The following NBN variants were observed in gnomAD, a reference collection of about 807,000 sequenced individuals.
NBN encodes Nijmegen breakage syndrome 1 (nibrin).
Under a neutral mutation model 90.8 loss-of-function variants are expected in NBN, and 88 were observed. The observed-to-expected ratio is 0.97, with a 90% CI of 0.82 to 1.16. NBN has a LOEUF of 1.16. Ranked by LOEUF, NBN falls within the 50% of genes most tolerant of loss-of-function variation. The pLI is 0.00. For synonymous variants in NBN, 328 were observed against 295.1 expected (o/e 1.11, Z -1.14); for missense variants, 894 against 869.6 (o/e 1.03, Z -0.35).
Position 89,981,496 on chromosome 8 carries a change from T to A in NBN, c.199A>T (p.Thr67Ser). 1 of 1,613,318 alleles carries A rather than the reference T, an allele frequency of 6.2e-7. No homozygotes were observed. Among genetic ancestry groups the A allele is most frequent in the Non-Finnish European group, 8.5e-7 (1 of 1,179,362 alleles). ...LSQTDEIPVLTLKDNSKYGTF... is the reference protein window; with the variant it reads ...LSQTDEIPVLSLKDNSKYGTF... The stretch of plus-strand genomic sequence containing the variant: ...CCATACTTAGAATTATCTTTTAATG[T>A]CAATACAGGGATTTCATCTGTTTGA... Residue 67 changes from threonine (T) to serine (S), a missense_variant, in exon 3 of 16, where the codon ACA becomes TCA. Transcript: ENST00000265433.
intron 7 of NBN, among the ~76,000 whole-genome samples, chr8:89,966,089 T>A (rs767708157): frequency 1.2e-4 from 19 of 152,214 alleles, no homozygotes; most frequent in Non-Finnish European, 1.8e-4. Flanking sequence ...TTAATAATGC[T>A]CTACAGAAAT....
intron 14 of NBN, among the ~76,000 whole-genome samples, chr8:89,940,916 G>T (rs1431855684): frequency 1.3e-5 from 2 of 152,036 alleles, no homozygotes; most frequent in African/African-American, 4.8e-5. Flanking sequence ...TGAAATAAAG[G>T]TACTATTATT....
At chr8:89,982,902 C>T in intron 1 of NBN, 47 bp from the exon 2 acceptor site, 1 of 1,571,936 alleles carries the variant, frequency 6.4e-7, no homozygotes, top group Non-Finnish European at 8.7e-7. Context: ...TAGACACATA[C>T]ACATGTACAC....
At chr8:89,967,534 G>C (rs1811312179) in intron 7 of NBN, among the ~76,000 whole-genome samples, 1 of 152,172 alleles carries the variant, frequency 6.6e-6, no homozygotes. Context: ...ATGTGTCATG[G>C]ACCAAGGATT....
chr8:89,984,267 G>A, intron 1 of NBN: 2 of 578,818 alleles, frequency 3.5e-6, no homozygotes, highest in South Asian at 2.0e-5. Context: ...GAGGGAGGGG[G>A]AGTCAGGGGA....
At chr8:89,973,862 TA>T (rs1364281051) in intron 5 of NBN, among the ~76,000 whole-genome samples, 1 of 151,314 alleles carries the variant, frequency 6.6e-6, no homozygotes, top group Non-Finnish European at 1.5e-5. Flanking sequence ...TTTCTATCAT[TA>T]AAAAATTAAA....
chr8:89,955,136 G>T, intron 10 of NBN, 147 bp downstream of exon 10: 3 of 723,504 alleles, frequency 4.1e-6, no homozygotes, highest in Non-Finnish European at 7.0e-6. Context: ...GGAGATCAGG[G>T]ACATTTCTGA....
chr8:89,956,367 T>C (rs1810717876), intron 9 of NBN, among the ~76,000 whole-genome samples: 1 of 152,106 alleles, frequency 6.6e-6, no homozygotes, highest in South Asian at 2.1e-4. Context: ...GAACACTTCA[T>C]TATGTCATAT....
At chr8:89,949,157 A>C (rs915498694) in intron 11 of NBN, among the ~76,000 whole-genome samples, 1 of 152,208 alleles carries the variant, frequency 6.6e-6, no homozygotes, top group African/African-American at 2.4e-5. Flanking sequence ...AGCTAACAAA[A>C]GGATCAGTCA....
In NBN at chr8:89,982,778, G is replaced by T. The variant is rs377730553; in HGVS notation, c.115C>A (p.Gln39Lys). The T allele has an allele frequency of 2.7e-5, 44 of 1,613,736 alleles. No individual in the cohort carries two copies. The highest frequency in any genetic ancestry group is 3.6e-5 in the Non-Finnish European group (42 of 1,179,846). ...ACAGCATGATTTCGGCTGATCGACT[G>T]ATCATTTTCAATCAGAATGGCACAG... Reference protein sequence around the residue: ...KNCAILIENDQSISRNHAVLT... With the variant: ...KNCAILIENDKSISRNHAVLT... The change falls in exon 2 of 16, where the codon CAG becomes AAG. Residue 39 changes from glutamine to lysine, a missense_variant. Gln to Lys is a moderately conservative substitution (Grantham distance 53). Coordinates refer to ENST00000265433, the MANE Select transcript of NBN (RefSeq NM_002485.5).
rs912010177 is a variant in NBN at position 89,964,647 on chromosome 8, T to C, written c.897-140A>G. 6.4e-6 allele frequency: 5 copies of C among 783,882 alleles called. No homozygotes were observed. The African/African-American group carries it at 8.8e-5, about 14-fold the overall frequency. The allele number at this position is 783,882 out of a possible 1,614,324, so 48.6% of individuals were successfully genotyped here. On this transcript the variant is annotated intron_variant, in intron 7 of 15. Coordinates refer to ENST00000265433, the MANE Select transcript of NBN (RefSeq NM_002485.5). Reference sequence around the variant, plus strand: ...AGACAGAATTTCAAATGCAGAGTACTATAATAGCTTACTCGCTGGGGCACT... The same window carrying C: ...AGACAGAATTTCAAATGCAGAGTACCATAATAGCTTACTCGCTGGGGCACT...
At chr8:89,955,121 G>C (rs923560422) in intron 10 of NBN, among the ~76,000 whole-genome samples, 162 bp downstream of exon 10, 6 of 152,092 alleles carry the variant, frequency 3.9e-5, no homozygotes, top group Admixed American at 6.6e-5. Flanking sequence ...AGTGGCTCTA[G>C]TGAAGGAGAT....
At chr8:89,957,986 G>T (rs1810807909) in intron 9 of NBN, among the ~76,000 whole-genome samples, 1 of 152,150 alleles carries the variant, frequency 6.6e-6, no homozygotes, top group Admixed American at 6.5e-5. Flanking sequence ...ATCAGTGAGA[G>T]CCTTAAGCTC....
chr8:89,968,507 G>A (rs1479301033), intron 7 of NBN, among the ~76,000 whole-genome samples: 1 of 152,062 alleles, frequency 6.6e-6, no homozygotes, highest in Non-Finnish European at 1.5e-5. Context: ...TGCACAGTGA[G>A]GACCACAACA....
intron 14 of NBN, among the ~76,000 whole-genome samples, chr8:89,938,746 T>C (rs1563500311): frequency 6.6e-6 from 1 of 152,232 alleles, no homozygotes; most frequent in Non-Finnish European, 1.5e-5. Flanking sequence ...CTGATTTTTC[T>C]ATCATATAGT....
chr8:89,958,921 TA>T (rs1183492516), intron 8 of NBN, 67 bp from the exon 9 acceptor site: 184 of 1,584,070 alleles, frequency 1.2e-4, no homozygotes, highest in Non-Finnish European at 8.7e-7. Context: ...TCTGGTCACT[TA>T]AAATTGTTAG....
At chr8:89,964,710 T>C (rs1457978740) in intron 7 of NBN, among the ~76,000 whole-genome samples, 5 of 152,158 alleles carry the variant, frequency 3.3e-5, no homozygotes, top group Non-Finnish European at 5.9e-5. Flanking sequence ...AGTAACTCCA[T>C]TAACTTCATC....
rs1009334525 is a variant in NBN at position 89,937,260 on chromosome 8, A to T, written c.2185-185T>A. The T allele has an allele frequency of 6.7e-6, 4 of 601,304 alleles. No individual in the cohort carries two copies. The African/African-American group carries it at 7.4e-5, about 11-fold the overall frequency. The allele number at this position is 601,304 out of a possible 1,614,324, so 37.2% of individuals were successfully genotyped here. ...TATATTTTCAATCCATGCTAAGATT[A>T]TTACAAAAGAGCTCTAACTAAACAG... On this transcript the variant is annotated intron_variant, in intron 14 of 15. Coordinates refer to ENST00000265433, the MANE Select transcript of NBN (RefSeq NM_002485.5).
intron 1 of NBN, chr8:89,984,271 C>T (rs1426107354): frequency 3.4e-6 from 2 of 585,050 alleles, no homozygotes; most frequent in African/African-American, 3.8e-5. Context: ...GAGGGGGAGT[C>T]AGGGGAGGGG....
Sources: allele counts gnomAD v4.1 joint callset (sites outside exome capture counted in the v4.1 genomes callset), GRCh38; gene constraint gnomAD v4.1.1; transcripts MANE v1.5; gene names NCBI Gene and HGNC (gene_info 2026-07-23, HGNC 2026-07-21).